Variants in PPP1R1C observed in about 807,000 individuals in gnomAD.
PPP1R1C encodes the protein protein phosphatase 1 regulatory subunit 1C.
PPP1R1C carries 15 observed loss-of-function variants against 17.4 expected under a neutral mutation model. The observed-to-expected ratio is 0.86, with a 90% CI of 0.58 to 1.33. The LOEUF (loss-of-function observed/expected upper bound fraction) is 1.33, where lower values mean the gene tolerates loss of function less well. Among genes scored for constraint, PPP1R1C ranks in the 40% most tolerant of loss-of-function variants. The pLI is 0.00. For synonymous variants in PPP1R1C, 35 were observed against 43.1 expected, an observed-to-expected ratio of 0.81 and a Z score of 0.73; for missense variants, 143 against 130.0, an observed-to-expected ratio of 1.10 and a Z score of -0.48.
chr2:181,968,393 G>A (rs532667042), intron 1 of PPP1R1C, among the ~76,000 whole-genome samples: 12 of 152,204 alleles, frequency 7.9e-5, no homozygotes, highest in East Asian at 3.9e-4. Flanking sequence ...GGGTTTATAC[G>A]TTTATAGTTG....
At chr2:182,083,866 A>G (rs974104557) in intron 4 of PPP1R1C, among the ~76,000 whole-genome samples, 6 of 152,138 alleles carry the variant, frequency 3.9e-5, no homozygotes, top group Non-Finnish European at 8.8e-5. Context: ...GGTTGTACTA[A>G]TTAAAATTTC....
intron 2 of PPP1R1C, among the ~76,000 whole-genome samples, chr2:181,999,714 A>G (rs539969951): frequency 2.0e-5 from 3 of 151,294 alleles, no homozygotes; most frequent in East Asian, 3.9e-4. Context: ...CTTCTTTTGT[A>G]TTTATTAGTT....
intron 2 of PPP1R1C, among the ~76,000 whole-genome samples, chr2:182,047,679 T>A (rs534380349): frequency 6.6e-6 from 1 of 152,294 alleles, no homozygotes; most frequent in East Asian, 1.9e-4. Flanking sequence ...GGCTCTCATA[T>A]AAAATGGTTG....
intron 2 of PPP1R1C, chr2:182,030,748 G>A (rs1364966175): frequency 6.6e-6 from 1 of 152,100 alleles, no homozygotes; most frequent in East Asian, 1.9e-4. Context: ...CACACAGTTC[G>A]AGCTTCCCAG....
chr2:182,002,756 T>A (rs1051324265), intron 2 of PPP1R1C, among the ~76,000 whole-genome samples: 3 of 152,120 alleles, frequency 2.0e-5, no homozygotes, highest in Admixed American at 1.3e-4. Flanking sequence ...CTTTAAAATC[T>A]CAAAATTTAA....
intron 2 of PPP1R1C, among the ~76,000 whole-genome samples, chr2:182,040,623 A>G (rs1422297422): frequency 6.6e-6 from 1 of 152,094 alleles, no homozygotes; most frequent in Non-Finnish European, 1.5e-5. Flanking sequence ...TATTCCAATG[A>G]TTATTATTTT....
chr2:182,127,147 C>T (rs753780100), intron 5 of PPP1R1C, among the ~76,000 whole-genome samples: 1 of 152,022 alleles, frequency 6.6e-6, no homozygotes, highest in Non-Finnish European at 1.5e-5. Flanking sequence ...ACAAGGCAGA[C>T]AGTTACCAGA....
intron 1 of PPP1R1C, among the ~76,000 whole-genome samples, chr2:181,974,688 A>G (rs771749832): frequency 2.0e-5 from 3 of 152,194 alleles, no homozygotes; most frequent in African/African-American, 7.2e-5. Flanking sequence ...GTTCAGGTGT[A>G]AAGGTGTGAA....
intron 1 of PPP1R1C, 161 bp from the exon 2 acceptor site, chr2:181,987,678 T>C: frequency 1.5e-6 from 1 of 654,406 alleles, no homozygotes; most frequent in Non-Finnish European, 2.7e-6. Flanking sequence ...TGGCTTTCTA[T>C]TATTTCAAAA....
chr2:181,961,578 A>C lies in PPP1R1C; in HGVS notation n.111+6944A>C, dbSNP rs1043563242. On this transcript the variant is annotated intron_variant and non_coding_transcript_variant, in intron 1 of 5. Coordinates refer to the PPP1R1C transcript ENST00000464264. This position sits in a 1 kb window ranked among gnomAD's most constrained non-coding sequence, Gnocchi z 5.8. ...GGTCCATCTTTAAGGACTGGACTGT[A>C]CGTCTCAGCTCCGTGAGCGTCATCT... is the stretch of plus-strand genomic sequence containing the variant. 15 of 748,606 alleles carry C rather than the reference A, an allele frequency of 2.0e-5. No homozygotes were observed. The Admixed American group carries it at 2.1e-4, about 10-fold the overall frequency. 46.4% of individuals were successfully genotyped at this position (748,606 alleles called of 1,614,324 possible).
chr2:181,988,506 T>C (rs1188897293), intron 2 of PPP1R1C, among the ~76,000 whole-genome samples: 1 of 152,252 alleles, frequency 6.6e-6, no homozygotes, highest in African/African-American at 2.4e-5. Context: ...TAAAAGACTA[T>C]GATCTGTAAT....
intron 2 of PPP1R1C, among the ~76,000 whole-genome samples, chr2:182,028,967 T>TG: frequency 7.4e-6 from 1 of 134,412 alleles, no homozygotes; most frequent in South Asian, 2.6e-4. Context: ...CATTATGTAA[T>TG]GGCCTTCTTT....
At chr2:182,009,102 A>G (rs184113857) in intron 2 of PPP1R1C, among the ~76,000 whole-genome samples, 7 of 152,294 alleles carry the variant, frequency 4.6e-5, no homozygotes, top group African/African-American at 1.7e-4. Flanking sequence ...GAGAGTACAG[A>G]TATCTCTTCA....
chr2:181,982,271 C>A (rs1486323009), upstream of PPP1R1C, among the ~76,000 whole-genome samples: 2 of 152,078 alleles, frequency 1.3e-5, no homozygotes, highest in Non-Finnish European at 2.9e-5. Flanking sequence ...AACTATGTAT[C>A]TATGGTATTT....
chr2:181,965,492 G>A (rs768217327), intron 1 of PPP1R1C, among the ~76,000 whole-genome samples: 1 of 152,174 alleles, frequency 6.6e-6, no homozygotes, highest in Non-Finnish European at 1.5e-5. Flanking sequence ...AGAGATAGGG[G>A]TCAAGTTTCA....
chr2:182,093,431 C>T (rs1286129070), intron 4 of PPP1R1C, among the ~76,000 whole-genome samples: 1 of 152,216 alleles, frequency 6.6e-6, no homozygotes, highest in Non-Finnish European at 1.5e-5. Flanking sequence ...GAGACATTTT[C>T]CCCATTGTAT....
intron 4 of PPP1R1C, among the ~76,000 whole-genome samples, chr2:182,105,675 A>G (rs2701676): frequency 0.99 from 151,528 of 152,324 alleles, 75,376 homozygotes; most frequent in East Asian, 1. Context: ...ACAGCATAAA[A>G]GAAAGGAAGA....
At chr2:182,081,810 A>G (rs1186380637) in intron 4 of PPP1R1C, among the ~76,000 whole-genome samples, 3 of 152,212 alleles carry the variant, frequency 2.0e-5, no homozygotes, top group Non-Finnish European at 4.4e-5. Flanking sequence ...TCCTGCCTGC[A>G]TAAAAGGCTG....
chr2:182,025,060 G>A (rs1418511618), intron 2 of PPP1R1C, among the ~76,000 whole-genome samples: 2 of 149,108 alleles, frequency 1.3e-5, no homozygotes, highest in African/African-American at 2.5e-5. Context: ...AGTTGCACAT[G>A]TACTGCATAA....
Sources: allele counts gnomAD v4.1 joint callset (sites outside exome capture counted in the v4.1 genomes callset), GRCh38; gene constraint gnomAD v4.1.1; non-coding constraint Gnocchi (gnomAD v3.1); transcripts MANE v1.5; gene names NCBI Gene and HGNC (gene_info 2026-07-23, HGNC 2026-07-21).